Variants in LDLRAD3 observed in about 807,000 individuals in gnomAD.
LDLRAD3 encodes the protein low density lipoprotein receptor class A domain containing 3.
LDLRAD3 carries 20 observed loss-of-function variants against 29.4 expected under a neutral mutation model. The ratio of observed to expected loss-of-function variants is 0.68; its 90% CI spans 0.48 to 0.99. LDLRAD3 has a LOEUF of 0.99. Among genes scored for constraint, LDLRAD3 ranks in the 50% least tolerant of loss-of-function variants. LDLRAD3 has a pLI of 0.00. For missense variants in LDLRAD3, 420 were observed against 454.3 expected, an observed-to-expected ratio of 0.92 and a Z score of 0.69; for synonymous variants, 157 against 192.7, an observed-to-expected ratio of 0.81 and a Z score of 1.53.
intron 3 of LDLRAD3, among the ~76,000 whole-genome samples, chr11:36,091,638 A>C (rs980416777): frequency 1.3e-5 from 2 of 152,202 alleles, no homozygotes; most frequent in Admixed American, 1.3e-4. Context: ...TTAACTCTGC[A>C]GACAATTTTT....
chr11:36,081,882 C>G (rs888987346), intron 3 of LDLRAD3, 104 bp downstream of exon 3: 2 of 1,349,650 alleles, frequency 1.5e-6, no homozygotes, highest in African/African-American at 2.9e-5. Flanking sequence ...CCTAGAGGCT[C>G]AGGCATTCTC....
At chr11:36,067,861 G>A (rs1413266962) in intron 2 of LDLRAD3, among the ~76,000 whole-genome samples, 2 of 152,056 alleles carry the variant, frequency 1.3e-5, no homozygotes, top group Admixed American at 6.6e-5. Flanking sequence ...GTAGAGATAA[G>A]GTTTCACCAT....
At chr11:36,117,572 G>A (rs1853692954) in intron 4 of LDLRAD3, among the ~76,000 whole-genome samples, 2 of 152,290 alleles carry the variant, frequency 1.3e-5, no homozygotes, top group African/African-American at 2.4e-5. Context: ...ATTAAACTAG[G>A]ACAAACCTAA....
chr11:36,171,204 T>C (rs911966321), intron 4 of LDLRAD3, among the ~76,000 whole-genome samples: 2 of 152,242 alleles, frequency 1.3e-5, no homozygotes, highest in Non-Finnish European at 2.9e-5. Flanking sequence ...TAGTCCTTTG[T>C]TGAATGCATA....
At chr11:36,014,154 C>T (rs1851991375) in intron 1 of LDLRAD3, among the ~76,000 whole-genome samples, 1 of 152,104 alleles carries the variant, frequency 6.6e-6, no homozygotes. Flanking sequence ...TTTGAGCAGA[C>T]CTTTGCGTGT....
chr11:36,031,616 C>T (rs532589529), intron 1 of LDLRAD3, among the ~76,000 whole-genome samples: 3 of 152,290 alleles, frequency 2.0e-5, no homozygotes, highest in East Asian at 1.9e-4. Context: ...TCTGCCTTCA[C>T]GGAGTGTTCA....
chr11:36,091,029 C>T (rs973497796), intron 3 of LDLRAD3, among the ~76,000 whole-genome samples: 1 of 152,206 alleles, frequency 6.6e-6, no homozygotes, highest in Admixed American at 6.5e-5. Context: ...GAGACTCCTT[C>T]AGTGGGCTCT....
intron 2 of LDLRAD3, among the ~76,000 whole-genome samples, chr11:36,064,750 A>T (rs1475691092): frequency 2.0e-5 from 3 of 151,970 alleles, no homozygotes; most frequent in Non-Finnish European, 2.9e-5. Flanking sequence ...ATCTCAAATT[A>T]TTTTTTAATT....
chr11:36,120,694 A>G (rs1045014043), intron 4 of LDLRAD3, among the ~76,000 whole-genome samples: 4 of 152,140 alleles, frequency 2.6e-5, no homozygotes, highest in Non-Finnish European at 5.9e-5. Context: ...ATGCCAGTCT[A>G]CACCTCCAGA....
chr11:36,007,423 G>C (rs1005895956), intron 1 of LDLRAD3, among the ~76,000 whole-genome samples: 1 of 152,166 alleles, frequency 6.6e-6, no homozygotes, highest in Non-Finnish European at 1.5e-5. Context: ...AAGTAAATTA[G>C]AACCTGCTTC....
chr11:36,168,040 C>T (rs897767987), intron 4 of LDLRAD3, among the ~76,000 whole-genome samples: 8 of 152,138 alleles, frequency 5.3e-5, no homozygotes, highest in Non-Finnish European at 8.8e-5. Context: ...AAACGCTCAT[C>T]GATATTCTCC....
intron 3 of LDLRAD3, among the ~76,000 whole-genome samples, chr11:36,082,544 T>C (rs1036482998): frequency 6.6e-6 from 1 of 152,218 alleles, no homozygotes; most frequent in Admixed American, 6.5e-5. Flanking sequence ...GTATGCATAC[T>C]ATAAAAATTT....
chr11:36,092,972 C>T (rs78709216), intron 3 of LDLRAD3, among the ~76,000 whole-genome samples: 1 of 152,216 alleles, frequency 6.6e-6, no homozygotes, highest in Non-Finnish European at 1.5e-5. Context: ...GGGGAGATTA[C>T]ACTGTGTTTT....
chr11:36,127,401 C>T (rs909538427), intron 4 of LDLRAD3, among the ~76,000 whole-genome samples: 1 of 151,590 alleles, frequency 6.6e-6, no homozygotes, highest in African/African-American at 2.4e-5. Flanking sequence ...CTGTTTAATC[C>T]TGGCTGGTTC....
intron 2 of LDLRAD3, among the ~76,000 whole-genome samples, chr11:36,042,302 AC>A (rs1169125008): frequency 1.3e-5 from 2 of 152,152 alleles, no homozygotes; most frequent in Non-Finnish European, 2.9e-5. Context: ...TCTAAGCTTT[AC>A]CAGGAATTCA....
At chr11:36,099,381 A>G (rs951179923) in intron 4 of LDLRAD3, among the ~76,000 whole-genome samples, 8 of 152,204 alleles carry the variant, frequency 5.3e-5, no homozygotes, top group African/African-American at 1.2e-4. Flanking sequence ...CATCCGAAAG[A>G]ATATATATTT....
chr11:36,152,451 C>T (rs963899722), intron 4 of LDLRAD3, among the ~76,000 whole-genome samples: 4 of 152,216 alleles, frequency 2.6e-5, no homozygotes, highest in African/African-American at 4.8e-5. Context: ...CAAACAGAGC[C>T]TTAGGTCCTC....
Position 36,197,685 on chromosome 11 carries a change from C to T in LDLRAD3, c.455-29400C>T, listed in dbSNP as rs112157053. On this transcript the variant is annotated intron_variant, in intron 4 of 5. Transcript: ENST00000315571. ...AACAAAGTTGTCCACCAAAACAAAG[C>T]GAAACTATACCCACCATGGTTCCTG... 5.5e-3 allele frequency: 834 copies of T among 152,252 alleles called. 3 individuals carry two copies. Among genetic ancestry groups the T allele is most frequent in the Non-Finnish European group, 9.6e-3 (651 of 68,046 alleles). 9.4% of individuals were successfully genotyped at this position (152,252 alleles called of 1,614,324 possible).
intron 1 of LDLRAD3, among the ~76,000 whole-genome samples, chr11:35,995,421 G>T (rs1286967102): frequency 6.6e-6 from 1 of 152,220 alleles, no homozygotes; most frequent in Admixed American, 6.5e-5. Flanking sequence ...GCTATAAACA[G>T]ATGCACTGTC....
Sources: gnomAD v4.1 joint callset for allele counts (sites outside exome capture counted in the v4.1 genomes callset) on GRCh38, gnomAD v4.1.1 for gene constraint, MANE v1.5 for transcripts, NCBI Gene and HGNC (gene_info 2026-07-23, HGNC 2026-07-21) for gene names.